The following RIMS4 variants were observed in gnomAD, a reference collection of about 807,000 sequenced individuals.
The protein encoded by RIMS4 is regulating synaptic membrane exocytosis protein 4.
A neutral mutation model predicts 29.0 loss-of-function variants in RIMS4; 9 were observed. The observed-to-expected ratio is 0.31, with a 90% CI of 0.19 to 0.54. RIMS4 has a LOEUF of 0.54. RIMS4 is among the 20% of genes least tolerant of loss of function. The pLI is 0.94. For missense variants in RIMS4, 193 were observed against 365.7 expected (o/e 0.53, Z 3.85); for synonymous variants, 130 against 152.9 (o/e 0.85, Z 1.10).
chr20:44,807,929 G>GA (rs1462366761), intron 1 of RIMS4, among the ~76,000 whole-genome samples: 1 of 152,026 alleles, frequency 6.6e-6, no homozygotes, highest in Non-Finnish European at 1.5e-5. Context: ...CCTCACCTGG[G>GA]AAACATTTTC....
intron 1 of RIMS4, among the ~76,000 whole-genome samples, chr20:44,784,486 C>T (rs2066199051): frequency 6.6e-6 from 1 of 152,252 alleles, no homozygotes; most frequent in Admixed American, 6.5e-5. Context: ...GTTCTCAGCA[C>T]TGAGGCTGTA....
rs1217285190 is a variant in RIMS4 at position 44,769,195 on chromosome 20, C to T, written c.236+2080G>A. 3.3e-5 allele frequency among the ~76,000 whole-genome samples: 5 copies of T among 152,220 alleles called. 1 individual carries two copies. Among genetic ancestry groups the T allele is most frequent in the Admixed American group, 3.3e-4 (5 of 15,288 alleles). On this transcript the variant is annotated intron_variant, in intron 2 of 5. Coordinates refer to ENST00000372851, the MANE Select transcript of RIMS4 (RefSeq NM_182970.4). ...CATTACAGCAAACAGTAACAAGAGCCATGTTCCAAACACCTATCACCTGCA... is the reference window on the plus strand; with the variant it reads ...CATTACAGCAAACAGTAACAAGAGCTATGTTCCAAACACCTATCACCTGCA...
At chr20:44,787,134 C>T (rs1007720891) in intron 1 of RIMS4, among the ~76,000 whole-genome samples, 2 of 152,014 alleles carry the variant, frequency 1.3e-5, no homozygotes, top group African/African-American at 4.8e-5. Context: ...ACGTAAAGGC[C>T]CGTGGCAGAC....
chr20:44,803,704 G>A (rs2066286541), intron 1 of RIMS4, among the ~76,000 whole-genome samples: 1 of 152,254 alleles, frequency 6.6e-6, no homozygotes, highest in South Asian at 2.1e-4. Context: ...CTCTGGAGCT[G>A]TCAAGTGGAA....
chr20:44,773,973 C>T (rs1345763068), intron 1 of RIMS4, among the ~76,000 whole-genome samples: 1 of 152,178 alleles, frequency 6.6e-6, no homozygotes, highest in South Asian at 2.1e-4. Flanking sequence ...TTCCAATGCC[C>T]CCACACCTGC....
chr20:44,756,839 G>C lies in RIMS4; in HGVS notation c.591+59C>G. 6.4e-7 allele frequency: 1 copy of C among 1,560,058 alleles called. No individual in the cohort carries two copies. Among genetic ancestry groups the C allele is most frequent in the Non-Finnish European group, 8.7e-7 (1 of 1,148,028 alleles). Reference sequence around the variant, plus strand: ...GCCAGGGGTGCCCTCCTCTCATTCTGGTACTGTGCATGTGTGCTCGTGCAC... The same window carrying C: ...GCCAGGGGTGCCCTCCTCTCATTCTCGTACTGTGCATGTGTGCTCGTGCAC... On this transcript the variant is annotated intron_variant, in intron 5 of 5. Transcript: ENST00000372851. The surrounding 1 kb of genome is among the most constrained non-coding windows in gnomAD (Gnocchi z 5.9).
At chr20:44,799,377 G>A (rs1015586173) in intron 1 of RIMS4, among the ~76,000 whole-genome samples, 5 of 152,072 alleles carry the variant, frequency 3.3e-5, no homozygotes, top group Non-Finnish European at 5.9e-5. Context: ...CAGTTTGGGG[G>A]TCCCTCTGCG....
chr20:44,763,283 G>T (rs192141759), intron 2 of RIMS4, among the ~76,000 whole-genome samples: 1 of 152,228 alleles, frequency 6.6e-6, no homozygotes, highest in Non-Finnish European at 1.5e-5. Context: ...TGTAGAAAAT[G>T]GGAATAAATA....
chr20:44,782,120 C>T (rs950233899), intron 1 of RIMS4, among the ~76,000 whole-genome samples: 2 of 152,138 alleles, frequency 1.3e-5, no homozygotes, highest in Non-Finnish European at 1.5e-5. Flanking sequence ...GTCTAAGTTC[C>T]CCTGCAAAAC....
At chr20:44,802,168 G>A (rs547661240) in intron 1 of RIMS4, among the ~76,000 whole-genome samples, 29 of 152,298 alleles carry the variant, frequency 1.9e-4, no homozygotes, top group Non-Finnish European at 2.9e-4. Context: ...GACAACTGCA[G>A]CTGCTACCAA....
chr20:44,775,358 C>G (rs1300841413), intron 1 of RIMS4, among the ~76,000 whole-genome samples: 9 of 152,190 alleles, frequency 5.9e-5, no homozygotes, highest in Admixed American at 5.9e-4. Context: ...CAGCCAGTAC[C>G]TGGCACCTTT....
At chr20:44,762,741 G>C (rs1376552794) in intron 2 of RIMS4, among the ~76,000 whole-genome samples, 1 of 152,206 alleles carries the variant, frequency 6.6e-6, no homozygotes, top group African/African-American at 2.4e-5. Flanking sequence ...GGGGGCTGGA[G>C]GAAGGAGGAA....
At chr20:44,769,800 C>T (rs933688345) in intron 2 of RIMS4, among the ~76,000 whole-genome samples, 5 of 152,172 alleles carry the variant, frequency 3.3e-5, no homozygotes, top group Non-Finnish European at 7.3e-5. Flanking sequence ...CCAGCAGAAG[C>T]CCCCAGCTGA....
chr20:44,792,144 T>C (rs2145471912), intron 1 of RIMS4, among the ~76,000 whole-genome samples: 1 of 152,218 alleles, frequency 6.6e-6, no homozygotes, highest in Middle Eastern at 3.4e-3. Context: ...TTTAGCACCA[T>C]AACTTCAGTG....
chr20:44,771,086 C>T (rs957792071), intron 2 of RIMS4, among the ~76,000 whole-genome samples, 189 bp downstream of exon 2: 1 of 152,216 alleles, frequency 6.6e-6, no homozygotes, highest in Non-Finnish European at 1.5e-5. Flanking sequence ...AGCAGCGGGG[C>T]TCGCTCTCCC....
chr20:44,761,181 C>T (rs1175495427), intron 2 of RIMS4, among the ~76,000 whole-genome samples: 9 of 152,176 alleles, frequency 5.9e-5, no homozygotes, highest in Non-Finnish European at 1.2e-4. Flanking sequence ...CACTAAATGC[C>T]ACAAATGTCA....
At chr20:44,796,751 G>A (rs560549779) in intron 1 of RIMS4, among the ~76,000 whole-genome samples, 1 of 152,330 alleles carries the variant, frequency 6.6e-6, no homozygotes, top group East Asian at 1.9e-4. Context: ...CATGGAGGGA[G>A]AAAACTCAAA....
At position 44,756,980 on chromosome 20, in the gene RIMS4, GTCT is replaced by G. The variant is rs2066063524; in HGVS notation, c.506_508del (p.Lys169del). The G allele has an allele frequency of 6.2e-7, 1 of 1,614,110 alleles. No individual in the cohort carries two copies. The highest frequency in any genetic ancestry group is 1.7e-5 in the Admixed American group (1 of 60,026). ...GTCCAGCGACTTGCGAGCGACTTTG[GTCT>G]TCTTCTTGGCAATGCAGATGCCATT... On this transcript the variant is annotated inframe_deletion, in exon 5 of 6. Transcript: ENST00000372851. The surrounding 1 kb of genome is among the most constrained non-coding windows in gnomAD (Gnocchi z 5.9).
chr20:44,804,154 T>C (rs193234394), intron 1 of RIMS4, among the ~76,000 whole-genome samples: 33 of 152,354 alleles, frequency 2.2e-4, no homozygotes, highest in African/African-American at 7.5e-4. Context: ...ATCTGCAAAA[T>C]GGGTACATCT....
Sources: allele counts gnomAD v4.1 joint callset (sites outside exome capture counted in the v4.1 genomes callset), GRCh38; gene constraint gnomAD v4.1.1; non-coding constraint Gnocchi (gnomAD v3.1); transcripts MANE v1.5; gene names NCBI Gene and HGNC (gene_info 2026-07-23, HGNC 2026-07-21).